The following GPC6 variants were observed in gnomAD, a reference collection of about 807,000 sequenced individuals.
GPC6 encodes the protein glypican-6.
In GPC6, 14 loss-of-function variants were observed where a neutral mutation model predicts 55.2. The observed-to-expected ratio is 0.25, with a 90% CI of 0.17 to 0.40. The LOEUF is 0.40. Ranked by LOEUF, GPC6 falls within the 10% of genes least tolerant of loss-of-function variation. The pLI, the probability that GPC6 is intolerant of heterozygous loss-of-function variation, is 1.00. For synonymous variants in GPC6, 278 were observed against 259.6 expected (o/e 1.07, Z -0.68); for missense variants, 641 against 708.5 (o/e 0.90, Z 1.08).
At chr13:94,027,997 G>C in intron 4 of GPC6, 103 bp downstream of exon 4, 6 of 1,052,988 alleles carry the variant, frequency 5.7e-6, no homozygotes, top group Non-Finnish European at 8.8e-6. Flanking sequence ...AGACACAGTG[G>C]TTCACATCTG....
chr13:93,231,397 G>GTATATATATATATATATACGTA (rs1876041955), intron 1 of GPC6, among the ~76,000 whole-genome samples: 1 of 45,870 alleles, frequency 2.2e-5, no homozygotes, highest in African/African-American at 1.0e-4. Flanking sequence ...ATATATATAT[G>GTATATATATATATATATACGTA]TATATATATA....
Position 93,234,687 on chromosome 13 carries a change from TGAGAGA to T in GPC6, c.160+7087_160+7092del, listed in dbSNP as rs10615675. ...TTGTGTGTTTGTGTATGTGTGTGTG[TGAGAGA>T]GAGAGAGAGAGAGAGTGCAAGAGAG... On this transcript the variant is annotated intron_variant, in intron 1 of 8. Coordinates refer to ENST00000377047, the MANE Select transcript of GPC6 (RefSeq NM_005708.5). Among the ~76,000 whole-genome samples the T allele has an allele frequency of 1.1e-3, 157 of 148,954 alleles. 3 individuals carry two copies. The highest frequency in any genetic ancestry group is 9.9e-3 in the East Asian group (50 of 5,030).
At chr13:94,174,896 G>T (rs1226933278) in intron 4 of GPC6, among the ~76,000 whole-genome samples, 1 of 152,064 alleles carries the variant, frequency 6.6e-6, no homozygotes, top group Non-Finnish European at 1.5e-5. Flanking sequence ...CTAATCTCAT[G>T]TGTGCAGCTC....
chr13:94,200,155 T>TAA (rs10708157), intron 4 of GPC6, among the ~76,000 whole-genome samples: 61 of 137,154 alleles, frequency 4.4e-4, no homozygotes, highest in Non-Finnish European at 5.9e-4. Flanking sequence ...AAACTCTGTC[T>TAA]AAAAAAAAAA....
At chr13:94,012,474 C>T (rs1418984224) in intron 3 of GPC6, among the ~76,000 whole-genome samples, 9 of 152,122 alleles carry the variant, frequency 5.9e-5, no homozygotes, top group African/African-American at 1.9e-4. Context: ...TGCAACCTGG[C>T]AGGAAGCCAT....
Position 93,433,250 on chromosome 13 carries a change from C to T in GPC6, c.161-112013C>T, listed in dbSNP as rs528834912. Among the ~76,000 whole-genome samples the T allele has an allele frequency of 8.5e-5, 13 of 152,222 alleles. No homozygotes were observed. In the South Asian group the frequency reaches 2.7e-3, roughly 32 times the overall value. Reference sequence around the variant, plus strand: ...CCATGAAATCTGGTTGGATGAGATTCATAGGAAATATTGGTATGAATTACC... The same window carrying T: ...CCATGAAATCTGGTTGGATGAGATTTATAGGAAATATTGGTATGAATTACC... On this transcript the variant is annotated intron_variant, in intron 1 of 8. Transcript: ENST00000377047.
intron 6 of GPC6, among the ~76,000 whole-genome samples, chr13:94,345,315 T>C (rs552739054): frequency 1.3e-5 from 2 of 152,230 alleles, no homozygotes; most frequent in East Asian, 3.9e-4. Flanking sequence ...AGGGCTGTGC[T>C]CCCTACTTTA....
At chr13:93,516,899 A>G (rs1409836114) in intron 1 of GPC6, among the ~76,000 whole-genome samples, 1 of 152,100 alleles carries the variant, frequency 6.6e-6, no homozygotes, top group Non-Finnish European at 1.5e-5. Flanking sequence ...TAGAAAGATC[A>G]TTACCATCAG....
intron 2 of GPC6, among the ~76,000 whole-genome samples, chr13:93,624,375 G>A (rs1879102609): frequency 6.6e-6 from 1 of 152,104 alleles, no homozygotes; most frequent in African/African-American, 2.4e-5. Context: ...GGTTTGAAGG[G>A]GCTGCAGTGC....
intron 1 of GPC6, among the ~76,000 whole-genome samples, chr13:93,286,212 G>A (rs977818455): frequency 6.6e-6 from 1 of 152,118 alleles, no homozygotes; most frequent in African/African-American, 2.4e-5. Flanking sequence ...CAGTGAAGAG[G>A]GAAGCCTCTT....
chr13:94,238,248 A>C (rs1481599270), intron 4 of GPC6, among the ~76,000 whole-genome samples: 1 of 152,178 alleles, frequency 6.6e-6, no homozygotes, highest in East Asian at 1.9e-4. Context: ...TCACAAGTAG[A>C]AATCTGGATT....
intron 2 of GPC6, among the ~76,000 whole-genome samples, chr13:93,624,195 A>G (rs1217659390): frequency 6.6e-6 from 1 of 150,948 alleles, no homozygotes; most frequent in Non-Finnish European, 1.5e-5. Flanking sequence ...AATGGCCAAT[A>G]TAGTGAATTT....
intron 2 of GPC6, among the ~76,000 whole-genome samples, chr13:93,597,191 A>G (rs949539588): frequency 6.6e-6 from 1 of 152,028 alleles, no homozygotes; most frequent in African/African-American, 2.4e-5. Context: ...TCATCCAGAA[A>G]AGCTCTCATA....
chr13:93,702,388 T>A (rs60455241), intron 2 of GPC6, among the ~76,000 whole-genome samples: 21,842 of 151,940 alleles, frequency 0.14, 2,750 homozygotes, highest in South Asian at 0.32. Flanking sequence ...TTTGTTTTTT[T>A]GTTTCTAGAA....
chr13:94,167,081 G>T (rs1888393737), intron 4 of GPC6, among the ~76,000 whole-genome samples: 1 of 152,074 alleles, frequency 6.6e-6, no homozygotes, highest in South Asian at 2.1e-4. Flanking sequence ...GACTCTAGAT[G>T]TTTTTTCCAT....
intron 3 of GPC6, among the ~76,000 whole-genome samples, chr13:93,857,706 C>A (rs981058066): frequency 6.6e-6 from 1 of 151,482 alleles, no homozygotes; most frequent in African/African-American, 2.4e-5. Context: ...TCAGCAAATG[C>A]GTTAAAGCAA....
intron 6 of GPC6, among the ~76,000 whole-genome samples, chr13:94,336,071 C>A (rs768014019): frequency 6.6e-6 from 1 of 152,000 alleles, no homozygotes; most frequent in African/African-American, 2.4e-5. Flanking sequence ...AAATGCCCTG[C>A]AAAGCATTTT....
intron 2 of GPC6, among the ~76,000 whole-genome samples, chr13:93,794,507 G>A (rs1014659185): frequency 1.1e-4 from 16 of 152,264 alleles, no homozygotes; most frequent in Admixed American, 2.0e-4. Context: ...AAGCATCAGC[G>A]CTATAAACAC....
At chr13:93,665,090 C>T (rs115483183) in intron 2 of GPC6, among the ~76,000 whole-genome samples, 165 of 152,250 alleles carry the variant, frequency 1.1e-3, no homozygotes, top group African/African-American at 3.7e-3. Context: ...CTGTTTGGCC[C>T]AGAAATTCTA....
Sources: allele counts gnomAD v4.1 joint callset (sites outside exome capture counted in the v4.1 genomes callset), GRCh38; gene constraint gnomAD v4.1.1; transcripts MANE v1.5; gene names NCBI Gene and HGNC (gene_info 2026-07-23, HGNC 2026-07-21).